TMEM232: variants seen among roughly 807,000 people sequenced by gnomAD.
TMEM232 encodes the protein transmembrane protein 232.
A neutral mutation model predicts 78.8 loss-of-function variants in TMEM232; 80 were observed. The observed-to-expected ratio is 1.01, with a 90% CI of 0.85 to 1.22. TMEM232 has a LOEUF of 1.22. Ranked by LOEUF, TMEM232 falls within the 50% of genes most tolerant of loss-of-function variation. The probability of loss-of-function intolerance (pLI) is 0.00; values close to 1 mark genes in which losing one functional copy is unlikely to be tolerated. For synonymous variants in TMEM232, 297 were observed against 254.3 expected (o/e 1.17, Z -1.60); for missense variants, 881 against 742.2 (o/e 1.19, Z -2.17).
intron 1 of TMEM232, among the ~76,000 whole-genome samples, chr5:110,724,871 A>T (rs951512896): frequency 6.6e-6 from 1 of 151,830 alleles, no homozygotes; most frequent in Non-Finnish European, 1.5e-5. Context: ...CAACAAAAAA[A>T]CTTGCCATGT....
At chr5:110,701,282 A>C (rs1454078416) in intron 1 of TMEM232, among the ~76,000 whole-genome samples, 1 of 152,004 alleles carries the variant, frequency 6.6e-6, no homozygotes, top group African/African-American at 2.4e-5. Flanking sequence ...CTGAAATAGA[A>C]GGAATTTTAG....
rs553104574 is a variant in TMEM232, at chr5:110,447,961, A to G, written c.1704-23045T>C. Among the ~76,000 whole-genome samples, 3 of 152,230 alleles carry G rather than the reference A, an allele frequency of 2.0e-5. No individual in the cohort carries two copies. The East Asian group carries it at 5.8e-4, about 29-fold the overall frequency. On this transcript the variant is annotated intron_variant, in intron 12 of 13. Coordinates refer to ENST00000455884, the MANE Select transcript of TMEM232 (RefSeq NM_001039763.4). ...GAATTTAAAACCCTCAAAAATTGTC[A>G]TTGAAGAAGTATTCAAAGATACCAC...
chr5:110,426,841 T>C (rs1757294900), intron 12 of TMEM232, among the ~76,000 whole-genome samples: 3 of 151,992 alleles, frequency 2.0e-5, no homozygotes, highest in African/African-American at 7.2e-5. Context: ...TTCAAAGAAT[T>C]GTGCCAAATG....
intron 10 of TMEM232, among the ~76,000 whole-genome samples, chr5:110,572,435 T>C (rs751824032): frequency 5.3e-5 from 8 of 152,034 alleles, no homozygotes; most frequent in Non-Finnish European, 7.4e-5. Context: ...AAATAAAACA[T>C]ACAGTGAATT....
At chr5:110,550,089 C>A (rs1029361947) in intron 11 of TMEM232, among the ~76,000 whole-genome samples, 33 of 152,010 alleles carry the variant, frequency 2.2e-4, no homozygotes, top group African/African-American at 8.0e-4. Context: ...GCAAATAGAG[C>A]AATATTTACA....
chr5:110,704,199 C>A (rs192545487), intron 1 of TMEM232, among the ~76,000 whole-genome samples: 1 of 152,220 alleles, frequency 6.6e-6, no homozygotes, highest in East Asian at 1.9e-4. Flanking sequence ...TTGGAAGAGA[C>A]ATCAACTAAA....
intron 1 of TMEM232, among the ~76,000 whole-genome samples, chr5:110,711,967 G>C (rs551840641): frequency 1.3e-5 from 2 of 151,794 alleles, no homozygotes; most frequent in South Asian, 2.1e-4. Flanking sequence ...TTAGCCAGGC[G>C]TGGTGGCACC....
chr5:110,596,722 A>G (rs1780213890), intron 10 of TMEM232, among the ~76,000 whole-genome samples: 1 of 152,222 alleles, frequency 6.6e-6, no homozygotes. Flanking sequence ...ACGCTAATCA[A>G]TAAATGTAAT....
At chr5:110,518,266 AT>A (rs1220187730) in intron 12 of TMEM232, among the ~76,000 whole-genome samples, 3 of 149,622 alleles carry the variant, frequency 2.0e-5, no homozygotes, top group Non-Finnish European at 4.5e-5. Context: ...GTTAACATTG[AT>A]TTTTTTTCTA....
chr5:110,582,195 A>T (rs746601838), intron 10 of TMEM232, among the ~76,000 whole-genome samples: 1 of 151,962 alleles, frequency 6.6e-6, no homozygotes, highest in Non-Finnish European at 1.5e-5. Context: ...TCTACCAAAA[A>T]GACAACATGC....
At chr5:110,454,427 T>C (rs1266527822) in intron 12 of TMEM232, among the ~76,000 whole-genome samples, 1 of 151,962 alleles carries the variant, frequency 6.6e-6, no homozygotes, top group Non-Finnish European at 1.5e-5. Flanking sequence ...TGGGCAATAG[T>C]GCACTATAAT....
chr5:110,481,655 T>C (rs999963773), intron 12 of TMEM232, among the ~76,000 whole-genome samples: 27 of 152,074 alleles, frequency 1.8e-4, no homozygotes, highest in Non-Finnish European at 4.4e-5. Flanking sequence ...AAGCAGCAAA[T>C]CACAGTTTCA....
intron 12 of TMEM232, among the ~76,000 whole-genome samples, chr5:110,499,358 C>G (rs747955188): frequency 6.6e-6 from 1 of 152,076 alleles, no homozygotes; most frequent in Non-Finnish European, 1.5e-5. Flanking sequence ...GAGGCCTGAT[C>G]CTCACACCTG....
chr5:110,689,932 T>A (rs1327043337), intron 1 of TMEM232, among the ~76,000 whole-genome samples: 2 of 152,098 alleles, frequency 1.3e-5, no homozygotes, highest in Non-Finnish European at 2.9e-5. Context: ...TGGCTAGCCA[T>A]ATGGAGAAAA....
At chr5:110,633,541 T>TC (rs200714467) in intron 5 of TMEM232, among the ~76,000 whole-genome samples, 1,525 of 152,240 alleles carry the variant, frequency 0.01, 34 homozygotes, top group African/African-American at 0.034. Flanking sequence ...GGGGGTGGTT[T>TC]CCCCATGCTC....
intron 1 of TMEM232, among the ~76,000 whole-genome samples, chr5:110,719,217 G>A (rs528506681): frequency 6.6e-6 from 1 of 151,344 alleles, no homozygotes; most frequent in Non-Finnish European, 1.5e-5. Context: ...GTGTATATAT[G>A]TATATATGTG....
chr5:110,652,294 G>GCACACACACACACA (rs70999969), intron 2 of TMEM232, among the ~76,000 whole-genome samples: 19,764 of 145,286 alleles, frequency 0.14, 1,457 homozygotes, highest in Middle Eastern at 0.19. Context: ...GCACGCGCGC[G>GCACACACACACACA]CACACACACA....
intron 1 of TMEM232, among the ~76,000 whole-genome samples, chr5:110,725,429 C>G (rs1798053815): frequency 6.6e-6 from 1 of 152,132 alleles, no homozygotes; most frequent in Admixed American, 6.5e-5. Context: ...TTACCAGGAG[C>G]TCTGGATGGA....
At chr5:110,669,550 G>A (rs2150138950) in intron 1 of TMEM232, among the ~76,000 whole-genome samples, 1 of 152,246 alleles carries the variant, frequency 6.6e-6, no homozygotes, top group African/African-American at 2.4e-5. Flanking sequence ...TCTACCAGAG[G>A]TACAAGGCGG....
Sources: gnomAD v4.1 joint callset for allele counts (sites outside exome capture counted in the v4.1 genomes callset) on GRCh38, gnomAD v4.1.1 for gene constraint, MANE v1.5 for transcripts, NCBI Gene and HGNC (gene_info 2026-07-23, HGNC 2026-07-21) for gene names.